SLC26A9: variants seen among roughly 807,000 people sequenced by gnomAD.
SLC26A9 encodes anion transporter/exchanger protein 9.
A neutral mutation model predicts 87.1 loss-of-function variants in SLC26A9; 46 were observed. That is an observed-to-expected ratio of 0.53 (90% confidence interval 0.42 to 0.67). The LOEUF (loss-of-function observed/expected upper bound fraction) is 0.67. Ranked by LOEUF, SLC26A9 falls within the 30% of genes least tolerant of loss-of-function variation. The probability of loss-of-function intolerance (pLI) is 0.00; values close to 1 mark genes in which losing one functional copy is unlikely to be tolerated. For synonymous variants in SLC26A9, 437 were observed against 409.1 expected (o/e 1.07, Z -0.82); for missense variants, 927 against 1,018.3 (o/e 0.91, Z 1.22).
rs776252236 is a variant in SLC26A9 at position 205,930,108 on chromosome 1, G to A, written c.553-52C>T. ...GGCGGAAGACCAATGTGGTTCAGCA[G>A]TTCCAACGACCCGCCCCACACACAC... is the stretch of plus-strand genomic sequence containing the variant. On this transcript the variant is annotated intron_variant, in intron 5 of 20. Transcript: ENST00000367135. 6.5e-6 allele frequency: 10 copies of A among 1,544,688 alleles called. No individual in the cohort carries two copies. The South Asian group carries it at 8.6e-5, about 13-fold the overall frequency.
rs888464741 is a variant in SLC26A9, at chr1:205,927,756, G to T, written c.1101+146C>A. The T allele has an allele frequency of 4.2e-6, 6 of 1,423,192 alleles. No individual in the cohort carries two copies. In the African/African-American group the frequency reaches 8.5e-5, roughly 20 times the overall value. 88.2% of individuals were successfully genotyped at this position (1,423,192 alleles called of 1,614,324 possible). ...CACATTCCCAGTCAAGAGGAGGTCA[G>T]CCTCTTAGGGTCAGAGGACCCCCTA... On this transcript the variant is annotated intron_variant, in intron 9 of 20. Transcript: ENST00000367135.
intron 1 of SLC26A9, among the ~76,000 whole-genome samples, chr1:205,942,182 C>T (rs545282613): frequency 4.6e-5 from 7 of 152,356 alleles, no homozygotes; most frequent in South Asian, 2.1e-4. Context: ...AAGAGGAGTC[C>T]GTCTCTGCCC....
chr1:205,922,821 C>A (rs545569883), intron 16 of SLC26A9, among the ~76,000 whole-genome samples: 2 of 152,262 alleles, frequency 1.3e-5, no homozygotes, highest in East Asian at 3.9e-4. Flanking sequence ...ATCGCTTGAA[C>A]CCCAGAGGTG....
At chr1:205,937,916 A>G (rs1183664808) in intron 1 of SLC26A9, among the ~76,000 whole-genome samples, 1 of 151,608 alleles carries the variant, frequency 6.6e-6, no homozygotes, top group Non-Finnish European at 1.5e-5. Context: ...CAAAAATTTC[A>G]AGGGGGGCTG....
chr1:205,930,119 C>A (rs368003362), intron 5 of SLC26A9, 63 bp from the exon 6 acceptor site: 4 of 1,511,650 alleles, frequency 2.6e-6, no homozygotes, highest in African/African-American at 1.4e-5. Context: ...TTCCAACGAC[C>A]CGCCCCACAC....
chr1:205,929,839 CA>C, intron 6 of SLC26A9, 52 bp downstream of exon 6: 1 of 1,536,622 alleles, frequency 6.5e-7, no homozygotes, highest in Non-Finnish European at 8.8e-7. Flanking sequence ...ACATCCTCCT[CA>C]TGTGTCTGCT....
rs375974607 is a variant in SLC26A9, at chr1:205,917,244, G to A, written c.2328+39C>T. The stretch of plus-strand genomic sequence containing the variant: ...CAGCGACCCCATCCTTCCCCTCTTC[G>A]CCCTGCTCCCACCCTCACAGCCCCT... On this transcript the variant is annotated intron_variant, in intron 20 of 20. Coordinates refer to ENST00000367135, the MANE Select transcript of SLC26A9 (RefSeq NM_052934.4). 6.3e-5 allele frequency: 101 copies of A among 1,608,814 alleles called. No homozygotes were observed. In the Admixed American group the frequency reaches 7.7e-4, roughly 12 times the overall value.
At chr1:205,915,518 CTGTGTGTGTGTGTGTG>C (rs113527464) in intron 20 of SLC26A9, 114 bp from the exon 21 acceptor site, 9 of 869,048 alleles carry the variant, frequency 1.0e-5, no homozygotes, top group African/African-American at 7.0e-5. Flanking sequence ...AACAAAGCAC[CTGTGTGTGTGTGTGTG>C]TGTGTGTGTG....
rs559152171 is a variant in SLC26A9 at position 205,917,267 on chromosome 1, C to G, written c.2328+16G>C. On this transcript the variant is annotated intron_variant, in intron 20 of 20. Coordinates refer to ENST00000367135, the MANE Select transcript of SLC26A9 (RefSeq NM_052934.4). ...TCGCCCTGCTCCCACCCTCACAGCC[C>G]CTTCCCTCAGCTCACCTGCTCTAAG... 43 of 1,613,902 alleles carry G rather than the reference C, an allele frequency of 2.7e-5. No homozygotes were observed. The highest frequency in any genetic ancestry group is 6.7e-5 in the Admixed American group (4 of 60,016).
chr1:205,923,677 C>G (rs143102364), intron 13 of SLC26A9, 64 bp from the exon 14 acceptor site: 1 of 1,599,120 alleles, frequency 6.3e-7, no homozygotes. Flanking sequence ...TGGAAGGGTG[C>G]CCCTGCTGGG....
At chr1:205,925,399 T>A (rs1407077148) in intron 12 of SLC26A9, among the ~76,000 whole-genome samples, 1 of 152,130 alleles carries the variant, frequency 6.6e-6, no homozygotes, top group Admixed American at 6.5e-5. Context: ...CTAAAGGAAA[T>A]AAATCTGCCC....
intron 2 of SLC26A9, among the ~76,000 whole-genome samples, chr1:205,934,655 G>A (rs148350822): frequency 6.6e-6 from 1 of 152,326 alleles, no homozygotes; most frequent in East Asian, 1.9e-4. Context: ...AGTATCATAG[G>A]AATTGTTAGT....
At chr1:205,942,217 G>C (rs569485658) in intron 1 of SLC26A9, among the ~76,000 whole-genome samples, 8 of 152,364 alleles carry the variant, frequency 5.3e-5, no homozygotes, top group African/African-American at 1.4e-4. Context: ...ATGAGACTCA[G>C]AGAGCAGGTG....
chr1:205,930,114 A>G (rs758224650), intron 5 of SLC26A9, 58 bp from the exon 6 acceptor site: 1 of 1,532,138 alleles, frequency 6.5e-7, no homozygotes, highest in Non-Finnish European at 8.9e-7. Flanking sequence ...AGCAGTTCCA[A>G]CGACCCGCCC....
At chr1:205,921,485 G>A (rs527747607) in intron 17 of SLC26A9, 81 bp downstream of exon 17, 106 of 1,493,028 alleles carry the variant, frequency 7.1e-5, no homozygotes, top group Middle Eastern at 5.8e-4. Flanking sequence ...TTCCTGAAAT[G>A]AGGGCTCCCA....
At chr1:205,915,530 GT>G in intron 20 of SLC26A9, 126 bp from the exon 21 acceptor site, 1 of 1,165,772 alleles carries the variant, frequency 8.6e-7, no homozygotes, top group Non-Finnish European at 1.2e-6. Context: ...GTGTGTGTGT[GT>G]GTGTGTGTGT....
Position 205,914,986 on chromosome 1 carries a change from T to C in SLC26A9, c.*371A>G. ...GTACAGCAGGCCAGCACAGTTGTAC[T>C]TGTCCTTCTGTTTTTGGCTCACTCG... On this transcript the variant is annotated 3_prime_UTR_variant, in exon 21 of 21. Transcript: ENST00000367135. 1 of 1,614,216 alleles carries C rather than the reference T, an allele frequency of 6.2e-7. No homozygotes were observed.
chr1:205,921,694 C>A lies in SLC26A9; in HGVS notation c.1927G>T (p.Ala643Ser). The A allele has an allele frequency of 2.5e-6, 4 of 1,594,170 alleles. No homozygotes were observed. Among genetic ancestry groups the A allele is most frequent in the South Asian group, 2.3e-5 (2 of 88,302 alleles). The change falls in exon 17 of 21, where the codon GCT (alanine) becomes TCT (serine). Residue 643 changes from alanine (A) to serine (S), a missense_variant. Transcript: ENST00000367135. ...SPAQSEPPASAEAPGEPSDML... is the reference protein window; with the variant it reads ...SPAQSEPPASSEAPGEPSDML... ...TCACTGGGCTCGCCGGGGGCCTCAG[C>A]GGAGGCTGGTGGCTCACTCTGGGCA...
At chr1:205,924,571 T>C (rs9438402) in intron 12 of SLC26A9, 82 bp from the exon 13 acceptor site, 137,256 of 1,238,988 alleles carry the variant, frequency 0.11, 13,763 homozygotes, top group East Asian at 0.57. Flanking sequence ...GCCAAGGCCA[T>C]TCTCTGTTAG....
Sources: gnomAD v4.1 joint callset for allele counts (sites outside exome capture counted in the v4.1 genomes callset) on GRCh38, gnomAD v4.1.1 for gene constraint, MANE v1.5 for transcripts, NCBI Gene and HGNC (gene_info 2026-07-23, HGNC 2026-07-21) for gene names.